Variants in RBPMS observed in about 807,000 individuals in gnomAD.
The protein encoded by RBPMS is RNA binding protein, mRNA processing factor, also known as RNA-binding protein with multiple splicing.
Under a neutral mutation model 26.8 loss-of-function variants are expected in RBPMS, and 7 were observed. That is an observed-to-expected ratio of 0.26 (90% CI 0.15 to 0.49). The LOEUF (loss-of-function observed/expected upper bound fraction) is 0.49. Ranked by LOEUF, RBPMS falls within the 20% of genes least tolerant of loss-of-function variation. The probability of loss-of-function intolerance (pLI) is 0.98; values close to 1 mark genes in which losing one functional copy is unlikely to be tolerated. For synonymous variants in RBPMS, 96 were observed against 93.3 expected (o/e 1.03, Z -0.17); for missense variants, 186 against 250.0 (o/e 0.74, Z 1.73).
At chr8:30,428,760 G>A (rs1282986865) in intron 1 of RBPMS, among the ~76,000 whole-genome samples, 1 of 151,624 alleles carries the variant, frequency 6.6e-6, no homozygotes, top group Non-Finnish European at 1.5e-5. Context: ...TTACAAGTAC[G>A]TACTGTGGGA....
At chr8:30,555,185 T>A (rs914804050) in intron 6 of RBPMS, among the ~76,000 whole-genome samples, 3 of 152,210 alleles carry the variant, frequency 2.0e-5, no homozygotes, top group African/African-American at 7.2e-5. Context: ...ATCTTGGTGC[T>A]CTCCTGTTGT....
At chr8:30,411,943 G>T (rs1809484833) in intron 1 of RBPMS, among the ~76,000 whole-genome samples, 1 of 148,032 alleles carries the variant, frequency 6.8e-6, no homozygotes, top group Non-Finnish European at 1.5e-5. Context: ...CCGAGATCGC[G>T]CCATTGCACT....
At chr8:30,441,223 G>A (rs1438875385) in intron 1 of RBPMS, among the ~76,000 whole-genome samples, 1 of 152,120 alleles carries the variant, frequency 6.6e-6, no homozygotes, top group Non-Finnish European at 1.5e-5. Flanking sequence ...ATTTGTGTGC[G>A]ATCTGCAAAG....
At position 30,389,856 on chromosome 8, in the gene RBPMS, CTG is replaced by C. The variant is rs1436042064; in HGVS notation, c.66+4702_66+4703del. 2.0e-5 allele frequency among the ~76,000 whole-genome samples: 3 copies of C among 152,186 alleles called. No individual in the cohort carries two copies. In the East Asian group the frequency reaches 5.8e-4, roughly 29 times the overall value. On this transcript the variant is annotated intron_variant, in intron 1 of 8. Coordinates refer to ENST00000397323, the MANE Select transcript of RBPMS (RefSeq NM_001008710.3). Reference sequence around the variant, plus strand: ...TACATATGTGGTTATATACTATTCTCTGTGTTCTGGAGGTTAGAAACCTGAAG... The same window carrying C: ...TACATATGTGGTTATATACTATTCTCTGTTCTGGAGGTTAGAAACCTGAAG...
intron 1 of RBPMS, among the ~76,000 whole-genome samples, chr8:30,449,771 G>A (rs540389257): frequency 2.0e-5 from 3 of 152,334 alleles, no homozygotes; most frequent in African/African-American, 4.8e-5. Flanking sequence ...GTGCATTGCT[G>A]CTCCTATGAG....
At chr8:30,473,041 T>C (rs1817306385) in intron 1 of RBPMS, among the ~76,000 whole-genome samples, 1 of 152,244 alleles carries the variant, frequency 6.6e-6, no homozygotes, top group Non-Finnish European at 1.5e-5. Flanking sequence ...GAATTTTCAA[T>C]CATGTTGCAT....
intron 1 of RBPMS, among the ~76,000 whole-genome samples, chr8:30,449,827 T>C (rs1814333911): frequency 6.6e-6 from 1 of 152,258 alleles, no homozygotes; most frequent in African/African-American, 2.4e-5. Context: ...CTTAGGCATT[T>C]TGCCTTTCAC....
intron 1 of RBPMS, among the ~76,000 whole-genome samples, chr8:30,388,065 C>G (rs1181494895): frequency 6.6e-6 from 1 of 152,004 alleles, no homozygotes; most frequent in Non-Finnish European, 1.5e-5. Flanking sequence ...ATTTAACTTT[C>G]CGATTTTTAA....
intron 6 of RBPMS, chr8:30,556,948 AGT>A (rs1364149672): frequency 4.6e-6 from 1 of 215,264 alleles, no homozygotes; most frequent in African/African-American, 2.5e-5. Flanking sequence ...TTCCCAGAGG[AGT>A]GTTTTCTAGC....
At chr8:30,411,940 C>T (rs1585375898) in intron 1 of RBPMS, among the ~76,000 whole-genome samples, 3 of 150,014 alleles carry the variant, frequency 2.0e-5, no homozygotes, top group Admixed American at 1.3e-4. Context: ...GAACCGAGAT[C>T]GCGCCATTGC....
intron 1 of RBPMS, among the ~76,000 whole-genome samples, chr8:30,421,178 T>C (rs1002743546): frequency 6.6e-6 from 1 of 152,004 alleles, no homozygotes; most frequent in South Asian, 2.1e-4. Context: ...AGAGAGTGTG[T>C]GTGTGTGAGT....
intron 1 of RBPMS, chr8:30,446,795 TTGTGTGTGTGTGTGTGTGTGTGTG>T (rs749402868): frequency 1.8e-4 from 20 of 112,434 alleles, no homozygotes; most frequent in African/African-American, 5.1e-4. Flanking sequence ...CACACATGGC[TTGTGTGTGTGTGTGTGTGTGTGTG>T]TGTGTGTGTG....
chr8:30,483,608 A>ATTAAATGTAATTTAAT (rs1414297348), intron 4 of RBPMS, among the ~76,000 whole-genome samples: 52 of 152,094 alleles, frequency 3.4e-4, no homozygotes, highest in Non-Finnish European at 5.4e-4. Context: ...TTACGGTAAA[A>ATTAAATGTAATTTAAT]TACATTTAAA....
intron 1 of RBPMS, among the ~76,000 whole-genome samples, chr8:30,439,912 G>A (rs542146711): frequency 1.3e-5 from 2 of 152,218 alleles, no homozygotes; most frequent in South Asian, 4.2e-4. Flanking sequence ...AGGTGCAGTG[G>A]CTTACGCCTG....
intron 1 of RBPMS, among the ~76,000 whole-genome samples, chr8:30,445,670 A>ATATATATATATATATATATG (rs1813670111): frequency 6.9e-6 from 1 of 144,064 alleles, no homozygotes; most frequent in Non-Finnish European, 1.5e-5. Flanking sequence ...ATATATATAT[A>ATATATATATATATATATATG]TATATGTATT....
chr8:30,426,721 C>T lies in RBPMS; in HGVS notation c.66+41563C>T, dbSNP rs367597936. On this transcript the variant is annotated intron_variant, in intron 1 of 8. Transcript: ENST00000397323. The stretch of plus-strand genomic sequence containing the variant: ...TGCTTACTATGTCTTGGGGTTTCTC[C>T]AGGTGGTAGAGGTTGCTCGGAGGTC... Among the ~76,000 whole-genome samples the T allele has an allele frequency of 2.0e-5, 3 of 149,722 alleles. No homozygotes were observed. The East Asian group carries it at 5.8e-4, about 29-fold the overall frequency.
At chr8:30,511,412 A>G (rs1334791595) in intron 5 of RBPMS, among the ~76,000 whole-genome samples, 3 of 150,026 alleles carry the variant, frequency 2.0e-5, no homozygotes, top group Non-Finnish European at 3.0e-5. Flanking sequence ...GCCTGAGCTC[A>G]GGAGTTTGAG....
chr8:30,423,767 A>T (rs1811064595), intron 1 of RBPMS, among the ~76,000 whole-genome samples: 1 of 151,960 alleles, frequency 6.6e-6, no homozygotes, highest in South Asian at 2.1e-4. Context: ...GAAGAAAGGC[A>T]GGATGGTGCG....
chr8:30,432,974 G>A (rs1268815027), intron 1 of RBPMS, among the ~76,000 whole-genome samples: 3 of 152,144 alleles, frequency 2.0e-5, no homozygotes, highest in Non-Finnish European at 4.4e-5. Context: ...ACTTGAGTAC[G>A]TTCAACTGAA....
Sources: allele counts gnomAD v4.1 joint callset (sites outside exome capture counted in the v4.1 genomes callset), GRCh38; gene constraint gnomAD v4.1.1; transcripts MANE v1.5; gene names NCBI Gene and HGNC (gene_info 2026-07-23, HGNC 2026-07-21).